The following DOCK10 variants were observed in gnomAD, a reference collection of about 807,000 sequenced individuals.
The protein encoded by DOCK10 is dedicator of cytokinesis protein 10.
In DOCK10, 145 loss-of-function variants were observed where a neutral mutation model predicts 280.1. The ratio of observed to expected loss-of-function variants is 0.52; its 90% CI spans 0.45 to 0.59. The LOEUF (loss-of-function observed/expected upper bound fraction) is 0.59. DOCK10 is among the 20% of genes least tolerant of loss of function. DOCK10 has a pLI of 0.00. For synonymous variants in DOCK10, 915 were observed against 942.2 expected, an observed-to-expected ratio of 0.97 and a Z score of 0.53; for missense variants, 2,368 against 2,651.7, an observed-to-expected ratio of 0.89 and a Z score of 2.35.
At chr2:224,931,294 G>A (rs773846006) in intron 2 of DOCK10, among the ~76,000 whole-genome samples, 1 of 152,202 alleles carries the variant, frequency 6.6e-6, no homozygotes, top group Non-Finnish European at 1.5e-5. Context: ...GCAGGCACAC[G>A]AGTGCCAGCT....
At chr2:224,854,898 A>ACC in intron 16 of DOCK10, 65 bp downstream of exon 16, 2 of 1,281,392 alleles carry the variant, frequency 1.6e-6, no homozygotes, top group Non-Finnish European at 2.1e-6. Flanking sequence ...CAACCAACCA[A>ACC]AACAAACCCA....
At chr2:224,945,861 T>C (rs902535014) in intron 1 of DOCK10, among the ~76,000 whole-genome samples, 1 of 152,052 alleles carries the variant, frequency 6.6e-6, no homozygotes, top group Admixed American at 6.6e-5. Flanking sequence ...GGGGAGGGAT[T>C]GCCACTGGCA....
intron 1 of DOCK10, among the ~76,000 whole-genome samples, chr2:224,938,276 C>A (rs1009853594): frequency 2.6e-5 from 4 of 152,142 alleles, no homozygotes; most frequent in East Asian, 1.9e-4. Context: ...TATATCTGAA[C>A]CTTTATTCTA....
chr2:225,007,714 G>C (rs1689313741), intron 1 of DOCK10, among the ~76,000 whole-genome samples: 1 of 152,120 alleles, frequency 6.6e-6, no homozygotes. Flanking sequence ...AATTCTTGGA[G>C]ACAGATTAGG....
rs769554188 is a variant in DOCK10, at chr2:224,774,858, T to C, written c.6013+47A>G. On this transcript the variant is annotated intron_variant, in intron 52 of 55. Coordinates refer to ENST00000258390, the MANE Select transcript of DOCK10 (RefSeq NM_014689.3). ...ACTGATCCAGCCCTATAAAGGGGCC[T>C]GTGCTGGAACAGGTGCCACATGTGT... 3 of 1,521,442 alleles carry C rather than the reference T, an allele frequency of 2.0e-6. No individual in the cohort carries two copies. The South Asian group carries it at 3.6e-5, about 18-fold the overall frequency. The allele number at this position is 1,521,442 out of a possible 1,614,324, so 94.2% of individuals were successfully genotyped here. A position where few individuals can be genotyped will look rare whatever the true frequency, so the allele number is the denominator to read the frequency against.
chr2:224,802,570 T>C (rs965168791), intron 39 of DOCK10, among the ~76,000 whole-genome samples: 3 of 151,916 alleles, frequency 2.0e-5, no homozygotes, highest in Non-Finnish European at 2.9e-5. Context: ...GGGAGGTAGG[T>C]AGTTAAAGGA....
chr2:224,885,934 A>C, intron 6 of DOCK10, 129 bp from the exon 7 acceptor site: 1 of 1,493,564 alleles, frequency 6.7e-7, no homozygotes, highest in South Asian at 1.3e-5. Context: ...AGAGCATCCT[A>C]CTTCCTCATA....
rs1043420095 is a variant in DOCK10 at position 224,844,459 on chromosome 2, CAT to C, written c.2568+292_2568+293del. Among the ~76,000 whole-genome samples, 29 of 152,274 alleles carry C rather than the reference CAT, an allele frequency of 1.9e-4. 1 individual carries two copies. The highest frequency in any genetic ancestry group is 6.8e-3 in the Middle Eastern group (2 of 294). On this transcript the variant is annotated intron_variant, in intron 22 of 55. Coordinates refer to ENST00000258390, the MANE Select transcript of DOCK10 (RefSeq NM_014689.3). ...TTTTTAACATTTAACATTTTTAACACATGAGTGTGGTCAGTGGAAGCAAACCA... is the reference window on the plus strand; with the variant it reads ...TTTTTAACATTTAACATTTTTAACACGAGTGTGGTCAGTGGAAGCAAACCA...
At chr2:224,775,818 A>T (rs1690813270) in intron 51 of DOCK10, among the ~76,000 whole-genome samples, 1 of 152,198 alleles carries the variant, frequency 6.6e-6, no homozygotes, top group African/African-American at 2.4e-5. Flanking sequence ...GAAAACTTTT[A>T]AAAAATATCT....
At chr2:224,947,358 C>T (rs1256947964) in intron 1 of DOCK10, among the ~76,000 whole-genome samples, 1 of 152,192 alleles carries the variant, frequency 6.6e-6, no homozygotes, top group African/African-American at 2.4e-5. Flanking sequence ...CTTTATAATT[C>T]TGGTTAGACT....
At chr2:224,793,808 T>C (rs1218267044) in intron 45 of DOCK10, among the ~76,000 whole-genome samples, 1 of 152,164 alleles carries the variant, frequency 6.6e-6, no homozygotes, top group African/African-American at 2.4e-5. Context: ...TATTTAGATA[T>C]AAAGTGGAAA....
At chr2:224,815,966 G>C (rs1694109040) in intron 30 of DOCK10, among the ~76,000 whole-genome samples, 1 of 152,058 alleles carries the variant, frequency 6.6e-6, no homozygotes, top group Non-Finnish European at 1.5e-5. Context: ...CTGGGAGGCA[G>C]AGGTTGCAGC....
At chr2:224,839,247 T>G (rs565710724) in intron 24 of DOCK10, among the ~76,000 whole-genome samples, 7 of 144,720 alleles carry the variant, frequency 4.8e-5, no homozygotes, top group African/African-American at 1.9e-4. Context: ...CCCGGCTAAT[T>G]TTTTGTAATT....
chr2:224,985,016 T>C (rs1229324917), intron 1 of DOCK10, among the ~76,000 whole-genome samples: 1 of 152,064 alleles, frequency 6.6e-6, no homozygotes, highest in Non-Finnish European at 1.5e-5. Context: ...TAATTTTTGA[T>C]AAGCAGGAAA....
At chr2:225,005,595 A>C (rs1278537176) in intron 1 of DOCK10, among the ~76,000 whole-genome samples, 5 of 152,218 alleles carry the variant, frequency 3.3e-5, no homozygotes, top group Admixed American at 1.3e-4. Flanking sequence ...CAACAGTATC[A>C]CTTGTAAAAA....
chr2:224,908,172 GTGTGTGTGTGTA>G (rs1280809965), intron 3 of DOCK10, among the ~76,000 whole-genome samples: 5 of 113,114 alleles, frequency 4.4e-5, no homozygotes, highest in African/African-American at 1.0e-4. Flanking sequence ...TGAGTTGTGT[GTGTGTGTGTGTA>G]TGTGTGTGTG....
rs202033216 is a variant in DOCK10, at chr2:224,819,794, A to T, written c.3184-265T>A. ...ACATTTAAAAATTCAGAAGAAAACA[A>T]GAAAAATTGAAAGGAAAAACAGAAT... On this transcript the variant is annotated intron_variant, in intron 28 of 55. Transcript: ENST00000258390. Among the ~76,000 whole-genome samples, 5 of 152,180 alleles carry T rather than the reference A, an allele frequency of 3.3e-5. No individual in the cohort carries two copies. In the East Asian group the frequency reaches 9.6e-4, roughly 29 times the overall value.
intron 17 of DOCK10, 58 bp from the exon 18 acceptor site, chr2:224,852,500 A>C: frequency 1.4e-6 from 2 of 1,382,410 alleles, no homozygotes; most frequent in Non-Finnish European, 2.0e-6. Flanking sequence ...AACATAAAAA[A>C]CCCAAGTGCC....
chr2:224,790,884 C>A (rs1303374058), intron 47 of DOCK10, among the ~76,000 whole-genome samples: 1 of 152,030 alleles, frequency 6.6e-6, no homozygotes, highest in Non-Finnish European at 1.5e-5. Flanking sequence ...ATGACATTCC[C>A]ATATATGCTG....
Sources: allele counts gnomAD v4.1 joint callset (sites outside exome capture counted in the v4.1 genomes callset), GRCh38; gene constraint gnomAD v4.1.1; transcripts MANE v1.5; gene names NCBI Gene and HGNC (gene_info 2026-07-23, HGNC 2026-07-21).